The following NUP85 variants were observed in gnomAD, a reference collection of about 807,000 sequenced individuals.
The protein encoded by NUP85 is nucleoporin 85.
NUP85 carries 23 observed loss-of-function variants against 92.8 expected under a neutral mutation model. The ratio of observed to expected loss-of-function variants is 0.25; its 90% confidence interval spans 0.18 to 0.35. NUP85 has a LOEUF of 0.35. Among genes scored for constraint, NUP85 ranks in the 10% least tolerant of loss-of-function variants. The pLI is 1.00. For missense variants in NUP85, 759 were observed against 822.8 expected (o/e 0.92, Z 0.95); for synonymous variants, 314 against 306.9 (o/e 1.02, Z -0.24).
chr17:75,228,431 C>T, intron 11 of NUP85: 1 of 985,410 alleles, frequency 1.0e-6, no homozygotes, highest in Non-Finnish European at 1.2e-6. Context: ...CACGAGGCTA[C>T]CTCCTATCCT....
At chr17:75,220,993 T>C (rs1039089460) in intron 7 of NUP85, among the ~76,000 whole-genome samples, 6 of 150,846 alleles carry the variant, frequency 4.0e-5, no homozygotes, top group Non-Finnish European at 8.8e-5. Context: ...GCCATTCTCC[T>C]GCCTCAGCCT....
intron 2 of NUP85, 33 bp from the exon 3 acceptor site, chr17:75,209,790 G>T: frequency 6.4e-7 from 1 of 1,553,726 alleles, no homozygotes; most frequent in Non-Finnish European, 8.6e-7. Context: ...GATCATAATA[G>T]ATGTTAAATT....
intron 4 of NUP85, 120 bp from the exon 5 acceptor site, chr17:75,212,956 G>C: frequency 7.5e-6 from 7 of 938,106 alleles, no homozygotes; most frequent in Non-Finnish European, 1.1e-5. Flanking sequence ...AGATTATAAT[G>C]TCTTTTAATT....
chr17:75,234,838 A>G, intron 17 of NUP85, 50 bp downstream of exon 17: 1 of 1,605,764 alleles, frequency 6.2e-7, no homozygotes, highest in Middle Eastern at 1.7e-4. Flanking sequence ...TCCCTGCTAG[A>G]GCTTAGTTGT....
rs146284801 is a variant in NUP85 at position 75,208,546 on chromosome 17, C to G, written c.53C>G (p.Ser18Cys). Residue 18 changes from serine (S) to cysteine (C), a missense_variant, in exon 2 of 19, where the codon TCC becomes TGC. By Grantham distance (112) the Ser-to-Cys change is moderately radical. Coordinates refer to ENST00000245544, the MANE Select transcript of NUP85 (RefSeq NM_024844.5). Reference sequence around the variant, plus strand: ...TACTAGTTGATTCCAGGCGTGAATTCCAAGAAGAACCAAATGTATTTTGAC... The same window carrying G: ...TACTAGTTGATTCCAGGCGTGAATTGCAAGAAGAACCAAATGTATTTTGAC... ...PTVTLIPGVN[S>C]KKNQMYFDWG... The G allele has an allele frequency of 1.5e-5, 24 of 1,600,160 alleles. No individual in the cohort carries two copies. The African/African-American group carries it at 3.1e-4, about 21-fold the overall frequency.
intron 6 of NUP85, among the ~76,000 whole-genome samples, chr17:75,217,377 T>TA (rs1568075342): frequency 6.6e-6 from 1 of 151,064 alleles, no homozygotes; most frequent in African/African-American, 2.4e-5. Context: ...TTTTTTATTT[T>TA]TTTTTGTAGA....
At chr17:75,218,049 C>A in intron 6 of NUP85, 136 bp from the exon 7 acceptor site, 1 of 1,080,322 alleles carries the variant, frequency 9.3e-7, no homozygotes, top group Non-Finnish European at 1.3e-6. Flanking sequence ...CATTCAGGAC[C>A]ATGTGTGTGA....
chr17:75,222,659 C>T (rs1417431304), intron 7 of NUP85, among the ~76,000 whole-genome samples: 10 of 151,880 alleles, frequency 6.6e-5, no homozygotes, highest in Non-Finnish European at 1.5e-4. Flanking sequence ...TTTTGTTCAA[C>T]CAATCAATAT....
chr17:75,225,072 C>T (rs2075736420), intron 7 of NUP85, 31 bp from the exon 8 acceptor site: 1 of 1,517,624 alleles, frequency 6.6e-7, no homozygotes. Flanking sequence ...AGGCCTCCTG[C>T]CAATGCTTAT....
chr17:75,206,523 G>A (rs1437187838), intron 1 of NUP85, among the ~76,000 whole-genome samples: 2 of 152,076 alleles, frequency 1.3e-5, no homozygotes, highest in Admixed American at 1.3e-4. Context: ...AGTTAAAGAG[G>A]AAGGAGCTAG....
intron 17 of NUP85, 52 bp downstream of exon 17, chr17:75,234,840 C>G (rs767461817): frequency 6.2e-7 from 1 of 1,603,076 alleles, no homozygotes; most frequent in African/African-American, 1.4e-5. Flanking sequence ...CCTGCTAGAG[C>G]TTAGTTGTAT....
intron 3 of NUP85, among the ~76,000 whole-genome samples, chr17:75,210,793 C>A (rs2145273528): frequency 6.6e-6 from 1 of 152,174 alleles, no homozygotes; most frequent in South Asian, 2.1e-4. Flanking sequence ...GCTCTGCCTC[C>A]TGGATTCACG....
chr17:75,228,300 G>A (rs934874526), intron 11 of NUP85: 13 of 985,108 alleles, frequency 1.3e-5, no homozygotes, highest in East Asian at 1.1e-4. Flanking sequence ...CTCTCGTGCC[G>A]GACACAGACA....
chr17:75,225,740 C>A lies in NUP85; in HGVS notation c.898C>A (p.Leu300Ile). ...AGCTGCCTTGTTAGAGCAGAAGGAA[C>A]TTCTGAGTAATTGGTATCATTTCCT... Reference protein sequence around the residue: ...DEAALLEQKELLSNWYHFLVT... With the variant: ...DEAALLEQKEILSNWYHFLVT... The change falls in exon 10 of 19, where the codon CTT (leucine) becomes ATT (isoleucine). Residue 300 changes from leucine to isoleucine, a missense_variant. Transcript: ENST00000245544. The A allele has an allele frequency of 6.2e-7, 1 of 1,614,154 alleles. No individual in the cohort carries two copies. The highest frequency in any genetic ancestry group is 1.3e-5 in the African/African-American group (1 of 75,032).
chr17:75,235,532 G>A, intron 18 of NUP85, 46 bp from the exon 19 acceptor site: 2 of 1,411,644 alleles, frequency 1.4e-6, no homozygotes, highest in Non-Finnish European at 2.0e-6. Context: ...AGTGTGAAAG[G>A]GCTCCTTCCT....
At chr17:75,206,267 A>T (rs1008693298) in intron 1 of NUP85, among the ~76,000 whole-genome samples, 2 of 152,106 alleles carry the variant, frequency 1.3e-5, no homozygotes, top group African/African-American at 4.8e-5. Context: ...TGAAGACAGT[A>T]TGTCAACTGT....
chr17:75,232,578 A>G (rs1173443423), intron 14 of NUP85, among the ~76,000 whole-genome samples: 2 of 152,174 alleles, frequency 1.3e-5, no homozygotes, highest in Non-Finnish European at 2.9e-5. Flanking sequence ...AAAAAATAGA[A>G]GAGCTGACAT....
chr17:75,209,684 T>G, intron 2 of NUP85, 139 bp from the exon 3 acceptor site: 1 of 591,808 alleles, frequency 1.7e-6, no homozygotes. Context: ...CCTCGTGATC[T>G]GCCTGCCTTG....
Position 75,231,636 on chromosome 17 carries a change from C to T in NUP85, c.1242C>T (p.Pro414=). The T allele has an allele frequency of 1.2e-6, 2 of 1,614,120 alleles. No individual in the cohort carries two copies. Among genetic ancestry groups the T allele is most frequent in the African/African-American group, 1.3e-5 (1 of 75,034 alleles). The change falls in exon 13 of 19, where the codon CCC becomes CCT. Residue 414 remains proline (P), a splice_region_variant and synonymous_variant. Coordinates refer to ENST00000245544, the MANE Select transcript of NUP85 (RefSeq NM_024844.5). The surrounding 1 kb of genome is among the most constrained non-coding windows in gnomAD (Gnocchi z 4.6). The part of the protein sequence containing the change: ...LEYASGLFAH[P]SLWQLGVDYF... ...ACGCCTCGGGACTGTTTGCTCATCC[C>T]AGGTAGGAAGGACCCCATGGGTGTG...
Sources: allele counts gnomAD v4.1 joint callset (sites outside exome capture counted in the v4.1 genomes callset), GRCh38; gene constraint gnomAD v4.1.1; non-coding constraint Gnocchi (gnomAD v3.1); transcripts MANE v1.5; gene names NCBI Gene and HGNC (gene_info 2026-07-23, HGNC 2026-07-21).